Variants in RIPOR1 observed in about 807,000 individuals in gnomAD.
RIPOR1 encodes the protein RHO family interacting cell polarization regulator 1.
RIPOR1 carries 58 observed loss-of-function variants against 116.5 expected under a neutral mutation model. The ratio of observed to expected loss-of-function variants is 0.50; its 90% CI spans 0.40 to 0.62. RIPOR1 has a LOEUF of 0.62. Ranked by LOEUF, RIPOR1 falls within the 20% of genes least tolerant of loss-of-function variation. The pLI, the probability that RIPOR1 is intolerant of heterozygous loss-of-function variation, is 0.00. For synonymous variants in RIPOR1, 605 were observed against 650.0 expected (o/e 0.93, Z 1.05); for missense variants, 1,372 against 1,586.2 (o/e 0.86, Z 2.29).
chr16:67,534,970 G>A (rs2050758323), intron 1 of RIPOR1, among the ~76,000 whole-genome samples: 2 of 151,270 alleles, frequency 1.3e-5, no homozygotes, highest in African/African-American at 4.9e-5. Context: ...AGCCGCCCAG[G>A]TAGCTGGCAC....
Position 67,542,640 on chromosome 16 carries a change from T to G in RIPOR1, c.1854T>G (p.Thr618=), listed in dbSNP as rs574011256. 1 of 1,612,318 alleles carries G rather than the reference T, an allele frequency of 6.2e-7. No individual in the cohort carries two copies. ...PTHTTASPTH[T]STSPTHTPTS... ...ATACCACAGCAAGCCCCACTCATAC[T>G]TCCACAAGCCCCACCCATACCCCCA... The change falls in exon 13 of 22, where the codon ACT becomes ACG. Residue 618 remains threonine, a synonymous_variant. Transcript: ENST00000042381. The surrounding 1 kb of genome is among the most constrained non-coding windows in gnomAD (Gnocchi z 4.6).
intron 1 of RIPOR1, among the ~76,000 whole-genome samples, chr16:67,532,563 C>T (rs189986325): frequency 2.9e-3 from 449 of 152,296 alleles, no homozygotes; most frequent in Non-Finnish European, 4.5e-3. Flanking sequence ...GGGACATCCT[C>T]ATGAGAGGAG....
Position 67,539,083 on chromosome 16 carries a change from G to T in RIPOR1, c.336+15G>T. ...ATTCCCGCTTGGTGAGTGGCGGGAGGTACGGATGCCCTTTGCCTCTTTGGT... is the reference window on the plus strand; with the variant it reads ...ATTCCCGCTTGGTGAGTGGCGGGAGTTACGGATGCCCTTTGCCTCTTTGGT... On this transcript the variant is annotated intron_variant, in intron 4 of 21. Transcript: ENST00000042381. 1 of 1,608,492 alleles carries T rather than the reference G, an allele frequency of 6.2e-7. No individual in the cohort carries two copies. Among genetic ancestry groups the T allele is most frequent in the Non-Finnish European group, 8.5e-7 (1 of 1,177,388 alleles).
In RIPOR1 at chr16:67,530,239, C is replaced by T. The variant is rs991692787; in HGVS notation, c.-24+1325C>T. ...CCGCTCGGACTCAGCCCTGGCCAGGCCCGGCCCGGGGGAGGCCGCCTGGCT... is the reference window on the plus strand; with the variant it reads ...CCGCTCGGACTCAGCCCTGGCCAGGTCCGGCCCGGGGGAGGCCGCCTGGCT... On this transcript the variant is annotated intron_variant, in intron 1 of 21. Coordinates refer to ENST00000042381, the MANE Select transcript of RIPOR1 (RefSeq NM_024519.4). The surrounding 1 kb of genome is among the most constrained non-coding windows in gnomAD (Gnocchi z 4.5). Among the ~76,000 whole-genome samples the T allele has an allele frequency of 1.3e-5, 2 of 152,144 alleles. No individual in the cohort carries two copies. Among genetic ancestry groups the T allele is most frequent in the African/African-American group, 4.8e-5 (2 of 41,456 alleles).
rs776533547 is a variant in RIPOR1, at chr16:67,543,207, G to A, written c.2421G>A (p.Gln807=). Residue 807 remains glutamine, a synonymous_variant, in exon 13 of 22, where the codon CAG becomes CAA. Transcript: ENST00000042381. The surrounding 1 kb of genome is among the most constrained non-coding windows in gnomAD (Gnocchi z 4.7). Reference sequence around the variant, plus strand: ...CTGCCCTGGATGACTACCGTGGCCAGTTTCCTGAGCTGCAGGGCCTGGAGC... The same window carrying A: ...CTGCCCTGGATGACTACCGTGGCCAATTTCCTGAGCTGCAGGGCCTGGAGC... ...LMAALDDYRG[Q]FPELQGLEQE... 1.9e-6 allele frequency: 3 copies of A among 1,563,084 alleles called. No individual in the cohort carries two copies. Among genetic ancestry groups the A allele is most frequent in the East Asian group, 2.3e-5 (1 of 44,366 alleles).
chr16:67,519,927 T>C (rs34042311), intron 1 of RIPOR1, among the ~76,000 whole-genome samples: 1,996 of 150,960 alleles, frequency 0.013, 44 homozygotes, highest in African/African-American at 0.046. Flanking sequence ...CCGGGTGTGG[T>C]GGCGGGCACC....
At position 67,545,056 on chromosome 16, in the gene RIPOR1, C is replaced by T. The variant is rs760748899; in HGVS notation, c.2970C>T (p.Leu990=). 21 of 1,613,154 alleles carry T rather than the reference C, an allele frequency of 1.3e-5. No homozygotes were observed. Among genetic ancestry groups the T allele is most frequent in the Non-Finnish European group, 4.2e-6 (5 of 1,180,030 alleles). Residue 990 remains leucine (L), a synonymous_variant, in exon 17 of 22, where the codon CTC becomes CTT. Transcript: ENST00000042381. This position sits in a 1 kb window ranked among gnomAD's most constrained non-coding sequence, Gnocchi z 4.8. ...CFLCPVERVL[L]TFCNQYGARL... Reference sequence around the variant, plus strand: ...TCTGCCCGGTGGAGCGGGTGCTTCTCACCTTCTGCAACCAGTATGGTGCCC... The same window carrying T: ...TCTGCCCGGTGGAGCGGGTGCTTCTTACCTTCTGCAACCAGTATGGTGCCC...
intron 1 of RIPOR1, chr16:67,538,215 G>T (rs1267870394): frequency 4.2e-6 from 2 of 479,426 alleles, no homozygotes; most frequent in African/African-American, 4.0e-5. Flanking sequence ...TGGGGGCCGA[G>T]CCGAGGCCAC....
intron 1 of RIPOR1, among the ~76,000 whole-genome samples, chr16:67,519,412 G>C (rs2050474986): frequency 6.6e-6 from 1 of 152,156 alleles, no homozygotes; most frequent in Admixed American, 6.5e-5. Flanking sequence ...AACTGGCCAG[G>C]GGTGAGGGGC....
Position 67,529,948 on chromosome 16 carries a change from G to T in RIPOR1, c.-24+1034G>T. 1 of 834,844 alleles carries T rather than the reference G, an allele frequency of 1.2e-6. No individual in the cohort carries two copies. Among genetic ancestry groups the T allele is most frequent in the East Asian group, 2.6e-5 (1 of 37,772 alleles). 51.7% of individuals were successfully genotyped at this position (834,844 alleles called of 1,614,324 possible). ...TGCCCCTGCGACACCCACCTCCGTG[G>T]TATTGGAGGGAGGAGAGGAATGATA... is the stretch of plus-strand genomic sequence containing the variant. On this transcript the variant is annotated intron_variant, in intron 1 of 21. Coordinates refer to ENST00000042381, the MANE Select transcript of RIPOR1 (RefSeq NM_024519.4). The surrounding 1 kb of genome is among the most constrained non-coding windows in gnomAD (Gnocchi z 4.1).
chr16:67,541,630 C>A lies in RIPOR1; in HGVS notation c.951-23C>A. On this transcript the variant is annotated intron_variant, in intron 11 of 21. Transcript: ENST00000042381. This position sits in a 1 kb window ranked among gnomAD's most constrained non-coding sequence, Gnocchi z 4.6. ...AGGGCCAGGAGGGCTGTGGCACCTGCCAACAGCCTCTTCCCTTCCCAGCCC... is the reference window on the plus strand; with the variant it reads ...AGGGCCAGGAGGGCTGTGGCACCTGACAACAGCCTCTTCCCTTCCCAGCCC... 6.2e-7 allele frequency: 1 copy of A among 1,614,012 alleles called. No homozygotes were observed.
At position 67,541,286 on chromosome 16, in the gene RIPOR1, T is replaced by C. The variant is rs1285908700; in HGVS notation, c.802-144T>C. 5.1e-6 allele frequency: 4 copies of C among 780,514 alleles called. No individual in the cohort carries two copies. The allele number at this position is 780,514 out of a possible 1,614,324, so 48.3% of individuals were successfully genotyped here. A position where few individuals can be genotyped will look rare whatever the true frequency, so the allele number is the denominator to read the frequency against. ...AGTCTTGCCATGTTGCCCAAGCTGGTCTTGAACTCCTGGCCTTAAGTGATC... is the reference window on the plus strand; with the variant it reads ...AGTCTTGCCATGTTGCCCAAGCTGGCCTTGAACTCCTGGCCTTAAGTGATC... On this transcript the variant is annotated intron_variant, in intron 10 of 21. Transcript: ENST00000042381. The surrounding 1 kb of genome is among the most constrained non-coding windows in gnomAD (Gnocchi z 4.6).
In RIPOR1 at chr16:67,544,393, T is replaced by C; in HGVS notation, c.2695T>C (p.Leu899=). The stretch of plus-strand genomic sequence containing the variant: ...GGGGTGTCCAGCTCTGGATGCTGCC[T>C]TGGTCCGGCACCTGTACCACTGCAG... ...STGCPALDAA[L]VRHLYHCSRL... is the part of the protein sequence containing the mutation. The change falls in exon 15 of 22, where the codon TTG becomes CTG. Residue 899 remains leucine (L), a synonymous_variant. Transcript: ENST00000042381. The surrounding 1 kb of genome is among the most constrained non-coding windows in gnomAD (Gnocchi z 5.1). The C allele has an allele frequency of 6.2e-7, 1 of 1,612,904 alleles. No homozygotes were observed. Among genetic ancestry groups the C allele is most frequent in the Non-Finnish European group, 8.5e-7 (1 of 1,179,798 alleles).
chr16:67,545,044 G>A lies in RIPOR1; in HGVS notation c.2958G>A (p.Glu986=), dbSNP rs536391319. The A allele has an allele frequency of 2.0e-5, 33 of 1,613,486 alleles. No individual in the cohort carries two copies. In the South Asian group the frequency reaches 3.3e-4, roughly 16 times the overall value. Residue 986 remains glutamate, a synonymous_variant, in exon 17 of 22, where the codon GAG becomes GAA. Coordinates refer to ENST00000042381, the MANE Select transcript of RIPOR1 (RefSeq NM_024519.4). The surrounding 1 kb of genome is among the most constrained non-coding windows in gnomAD (Gnocchi z 4.8). ...TCAGCTGCTTCCTCTGCCCGGTGGA[G>A]CGGGTGCTTCTCACCTTCTGCAACC... ...ERLSCFLCPV[E]RVLLTFCNQY...
Position 67,544,457 on chromosome 16 carries a change from C to A in RIPOR1, c.2733+26C>A. 6.3e-7 allele frequency: 1 copy of A among 1,591,608 alleles called. No homozygotes were observed. The highest frequency in any genetic ancestry group is 8.6e-7 in the Non-Finnish European group (1 of 1,169,200). ...GTGAGGCTGATGGTGTTCCCCCACC[C>A]TTCCTTTGTAACCCCTAACCCCAGG... On this transcript the variant is annotated intron_variant, in intron 15 of 21. Transcript: ENST00000042381. This position sits in a 1 kb window ranked among gnomAD's most constrained non-coding sequence, Gnocchi z 5.1.
chr16:67,525,430 A>C (rs545939119), upstream of RIPOR1, among the ~76,000 whole-genome samples: 1 of 152,094 alleles, frequency 6.6e-6, no homozygotes, highest in South Asian at 2.1e-4. Context: ...GGCACAGTCC[A>C]GGGCAAGCTT....
In RIPOR1 at chr16:67,539,165, T is replaced by C. The variant is rs995832368; in HGVS notation, c.336+97T>C. 12 of 1,031,890 alleles carry C rather than the reference T, an allele frequency of 1.2e-5. No homozygotes were observed. The African/African-American group carries it at 1.5e-4, about 13-fold the overall frequency. 63.9% of individuals were successfully genotyped at this position (1,031,890 alleles called of 1,614,324 possible). On this transcript the variant is annotated intron_variant, in intron 4 of 21. Transcript: ENST00000042381. ...ATATCTGGGCTATTTTCTGAAGTGA[T>C]CTGGTTCAGGTGTGAGTAGAAAAGG...
Position 67,537,537 on chromosome 16 carries a change from C to G in RIPOR1, c.-23-887C>G, listed in dbSNP as rs2050828006. 2.2e-6 allele frequency: 3 copies of G among 1,347,116 alleles called. No individual in the cohort carries two copies. Among genetic ancestry groups the G allele is most frequent in the Non-Finnish European group, 2.9e-6 (3 of 1,046,678 alleles). 83.4% of individuals were successfully genotyped at this position (1,347,116 alleles called of 1,614,324 possible). On this transcript the variant is annotated intron_variant, in intron 1 of 21. Coordinates refer to ENST00000042381, the MANE Select transcript of RIPOR1 (RefSeq NM_024519.4). This position sits in a 1 kb window ranked among gnomAD's most constrained non-coding sequence, Gnocchi z 4.6. Reference sequence around the variant, plus strand: ...TCGAAGTGGCCAGGGCCGGAAGGTCCGCGGGGGGCGAGCGCGGGTCGGGGG... The same window carrying G: ...TCGAAGTGGCCAGGGCCGGAAGGTCGGCGGGGGGCGAGCGCGGGTCGGGGG...
At chr16:67,539,177 G>GT (rs2050898686) in intron 4 of RIPOR1, 109 bp downstream of exon 4, 1 of 919,180 alleles carries the variant, frequency 1.1e-6, no homozygotes. Flanking sequence ...TGGTTCAGGT[G>GT]TGAGTAGAAA....
Sources: gnomAD v4.1 joint callset for allele counts (sites outside exome capture counted in the v4.1 genomes callset) on GRCh38, gnomAD v4.1.1 for gene constraint, Gnocchi (gnomAD v3.1) non-coding constraint, MANE v1.5 for transcripts, NCBI Gene and HGNC (gene_info 2026-07-23, HGNC 2026-07-21) for gene names.